Variants in SLC43A1 observed in about 807,000 individuals in gnomAD.
The protein encoded by SLC43A1 is solute carrier family 43 member 1.
A neutral mutation model predicts 59.5 loss-of-function variants in SLC43A1; 31 were observed. The ratio of observed to expected loss-of-function variants is 0.52; its 90% CI spans 0.39 to 0.70. The LOEUF is 0.70. SLC43A1 is among the 30% of genes least tolerant of loss of function. SLC43A1 has a pLI of 0.00. For synonymous variants in SLC43A1, 259 were observed against 290.9 expected (o/e 0.89, Z 1.12); for missense variants, 598 against 717.8 (o/e 0.83, Z 1.91).
chr11:57,485,098 A>G lies in SLC43A1; in HGVS notation c.1678T>C (p.Ter560GlnextTer9). Residue 560 changes from the stop codon to glutamine, a stop_lost, in exon 15 of 15, where the codon TAG becomes CAG. Transcript: ENST00000278426. The part of the protein sequence containing the change: ...KVLSGSEVTA[*>Q] ...CCAGGTCCCTTGGTCTGAGAAGTCT[A>G]TGCGGTCACCTCAGAGCCGCTAAGC... 2.5e-6 allele frequency: 4 copies of G among 1,612,284 alleles called. No homozygotes were observed. The highest frequency in any genetic ancestry group is 3.4e-6 in the Non-Finnish European group (4 of 1,179,326).
chr11:57,499,905 G>A (rs902369048), intron 5 of SLC43A1, among the ~76,000 whole-genome samples: 2 of 152,198 alleles, frequency 1.3e-5, no homozygotes, highest in African/African-American at 4.8e-5. Flanking sequence ...CTGCGCAGAG[G>A]GGCGGGGAGA....
intron 8 of SLC43A1, 40 bp from the exon 9 acceptor site, chr11:57,491,902 T>C (rs1197847547): frequency 6.2e-7 from 1 of 1,601,000 alleles, no homozygotes; most frequent in South Asian, 1.1e-5. Context: ...CCCCAGACCT[T>C]CCACTGCCCT....
intron 8 of SLC43A1, among the ~76,000 whole-genome samples, chr11:57,492,811 G>A (rs1943974288): frequency 1.3e-5 from 2 of 150,598 alleles, no homozygotes; most frequent in South Asian, 4.2e-4. Flanking sequence ...GGAGGCTGAG[G>A]CAGGAGCATC....
At chr11:57,493,522 A>G (rs1394652583) in intron 8 of SLC43A1, among the ~76,000 whole-genome samples, 1 of 152,124 alleles carries the variant, frequency 6.6e-6, no homozygotes, top group African/African-American at 2.4e-5. Flanking sequence ...AGCTCCTTCC[A>G]CTTATCATGG....
chr11:57,502,737 G>T (rs1944297166), intron 2 of SLC43A1, among the ~76,000 whole-genome samples: 1 of 151,990 alleles, frequency 6.6e-6, no homozygotes, highest in Non-Finnish European at 1.5e-5. Flanking sequence ...AGCCGAGCAT[G>T]GCGATGCATG....
At chr11:57,504,197 AAAAAAT>A (rs1034281510) in intron 2 of SLC43A1, among the ~76,000 whole-genome samples, 4 of 152,188 alleles carry the variant, frequency 2.6e-5, no homozygotes, top group African/African-American at 7.2e-5. Context: ...ACTCCGTCTC[AAAAAAT>A]AAAAATAAAA....
At chr11:57,497,317 AGCCTG>A (rs1944116993) in intron 6 of SLC43A1, among the ~76,000 whole-genome samples, 1 of 152,222 alleles carries the variant, frequency 6.6e-6, no homozygotes, top group Non-Finnish European at 1.5e-5. Flanking sequence ...TCCAGGATCC[AGCCTG>A]GCATAAACTC....
chr11:57,505,738 G>A (rs1944379630), intron 2 of SLC43A1, among the ~76,000 whole-genome samples: 1 of 152,102 alleles, frequency 6.6e-6, no homozygotes, highest in Admixed American at 6.6e-5. Flanking sequence ...AAGGGAAATG[G>A]TAAAATCATG....
chr11:57,493,278 G>A (rs538772648), intron 8 of SLC43A1, among the ~76,000 whole-genome samples: 17 of 152,198 alleles, frequency 1.1e-4, no homozygotes, highest in African/African-American at 3.6e-4. Context: ...TCTGAGAATC[G>A]GCACTGGGGG....
intron 2 of SLC43A1, 174 bp from the exon 3 acceptor site, chr11:57,501,503 C>T (rs1944267418): frequency 1.6e-6 from 1 of 631,614 alleles, no homozygotes; most frequent in East Asian, 2.7e-5. Flanking sequence ...GCCATTAGTA[C>T]CTGACCCTGG....
chr11:57,496,254 G>A, intron 6 of SLC43A1, 90 bp from the exon 7 acceptor site: 1 of 1,460,436 alleles, frequency 6.8e-7, no homozygotes, highest in East Asian at 2.4e-5. Context: ...CCTTAAAGAA[G>A]TTCTCTTCTC....
At chr11:57,493,951 C>T in intron 8 of SLC43A1, 42 bp downstream of exon 8, 4 of 1,533,088 alleles carry the variant, frequency 2.6e-6, no homozygotes, top group Non-Finnish European at 3.5e-6. Context: ...GAGGACCCAC[C>T]ATCACTATCC....
At chr11:57,498,444 C>A (rs538897598) in intron 5 of SLC43A1, among the ~76,000 whole-genome samples, 1 of 151,772 alleles carries the variant, frequency 6.6e-6, no homozygotes, top group African/African-American at 2.4e-5. Flanking sequence ...ATGTCCCCAC[C>A]CCCCAAAAAA....
At chr11:57,488,857 T>G in intron 13 of SLC43A1, 59 bp downstream of exon 13, 2 of 1,453,594 alleles carry the variant, frequency 1.4e-6, no homozygotes, top group Non-Finnish European at 1.9e-6. Context: ...AACCCTTCCC[T>G]GGGGTTCTCT....
chr11:57,501,435 G>A (rs549774090), intron 2 of SLC43A1, 106 bp from the exon 3 acceptor site: 246 of 1,166,526 alleles, frequency 2.1e-4, no homozygotes, highest in Non-Finnish European at 2.9e-4. Context: ...CATGCCAAGT[G>A]CCTTTGGGGG....
intron 11 of SLC43A1, 77 bp from the exon 12 acceptor site, chr11:57,489,469 C>G: frequency 6.5e-7 from 1 of 1,541,472 alleles, no homozygotes; most frequent in Non-Finnish European, 8.9e-7. Context: ...GCCCCTCCCC[C>G]TTCAGATGTG....
At position 57,485,161 on chromosome 11, in the gene SLC43A1, G is replaced by T. The variant is rs1244217480; in HGVS notation, c.1615C>A (p.Gln539Lys). 1.2e-6 allele frequency: 2 copies of T among 1,614,120 alleles called. No homozygotes were observed. The highest frequency in any genetic ancestry group is 1.7e-5 in the Admixed American group (1 of 59,998). ...YLFYYRARLQ[Q>K]EYAANGMGPL... is the part of the protein sequence containing the mutation. ...CCCATCCCATTGGCGGCGTACTCCT[G>T]CTGGAGCCGGGCACGGTAATAGAAG... is the stretch of plus-strand genomic sequence containing the variant. The change falls in exon 15 of 15, where the codon CAG becomes AAG. Residue 539 changes from glutamine to lysine, a missense_variant. Transcript: ENST00000278426.
At chr11:57,489,092 TC>T in intron 12 of SLC43A1, 103 bp from the exon 13 acceptor site, 1 of 1,434,548 alleles carries the variant, frequency 7.0e-7, no homozygotes, top group Non-Finnish European at 9.8e-7. Context: ...TCCCACCCCC[TC>T]GCCAACCCAA....
intron 14 of SLC43A1, among the ~76,000 whole-genome samples, chr11:57,486,173 A>C (rs1046746443): frequency 9.2e-5 from 14 of 152,192 alleles, no homozygotes; most frequent in Non-Finnish European, 1.8e-4. Context: ...TTCACAAAGC[A>C]CCTGGAGTTT....
Sources: gnomAD v4.1 joint callset for allele counts (sites outside exome capture counted in the v4.1 genomes callset) on GRCh38, gnomAD v4.1.1 for gene constraint, MANE v1.5 for transcripts, NCBI Gene and HGNC (gene_info 2026-07-23, HGNC 2026-07-21) for gene names.